TCF20: variants seen among roughly 807,000 people sequenced by gnomAD.
TCF20 encodes the protein SPRE-binding protein.
Under a neutral mutation model 148.6 loss-of-function variants are expected in TCF20, and 3 were observed. That is an observed-to-expected ratio of 0.02 (90% CI 0.01 to 0.05). The LOEUF is 0.05. Among genes scored for constraint, TCF20 ranks in the 10% least tolerant of loss-of-function variants. TCF20 has a pLI of 1.00. For missense variants in TCF20, 2,350 were observed against 2,429.3 expected, an observed-to-expected ratio of 0.97 and a Z score of 0.69; for synonymous variants, 1,049 against 909.5, an observed-to-expected ratio of 1.15 and a Z score of -2.76.
intron 1 of TCF20, among the ~76,000 whole-genome samples, chr22:42,307,961 A>T (rs1927464969): frequency 6.6e-6 from 1 of 152,232 alleles, no homozygotes; most frequent in Non-Finnish European, 1.5e-5. Context: ...ATGTTATTAT[A>T]ATGGCCTTGG....
Position 42,214,913 on chromosome 22 carries a change from C to G in TCF20, c.393G>C (p.Gly131=), listed in dbSNP as rs1341348850. ...PQGSSFGNQY[G]SEGHVGQFQA... ...GAAACTGGCCCACATGACCCTCACT[C>G]CCATACTGATTGCCAAAGCTGCTCC... Residue 131 remains glycine (G), a synonymous_variant, in exon 2 of 6, where the codon GGG becomes GGC. Coordinates refer to ENST00000677622, the MANE Select transcript of TCF20 (RefSeq NM_001378418.1). 2 of 1,614,114 alleles carry G rather than the reference C, an allele frequency of 1.2e-6. No individual in the cohort carries two copies. The highest frequency in any genetic ancestry group is 1.7e-5 in the Admixed American group (1 of 60,006).
intron 1 of TCF20, among the ~76,000 whole-genome samples, chr22:42,303,876 C>T (rs779249344): frequency 1.6e-5 from 2 of 121,650 alleles, no homozygotes; most frequent in Non-Finnish European, 3.4e-5. Context: ...AGGAGGGGAG[C>T]GGGGAAAGAA....
At chr22:42,169,630 G>T (rs1050812031) in intron 4 of TCF20, among the ~76,000 whole-genome samples, 3 of 152,070 alleles carry the variant, frequency 2.0e-5, no homozygotes, top group Non-Finnish European at 4.4e-5. Flanking sequence ...ATTTCTCCTG[G>T]GATCCTCATA....
chr22:42,290,499 C>T lies in TCF20; in HGVS notation c.-37+52980G>A, dbSNP rs755526590. Among the ~76,000 whole-genome samples, 3 of 152,090 alleles carry T rather than the reference C, an allele frequency of 2.0e-5. No homozygotes were observed. Among genetic ancestry groups the T allele is most frequent in the Admixed American group, 1.3e-4 (2 of 15,272 alleles). On this transcript the variant is annotated intron_variant, in intron 1 of 1. Transcript: ENST00000515426. The surrounding 1 kb of genome is among the most constrained non-coding windows in gnomAD (Gnocchi z 4.2). ...CCATGGAGCGGGCAGGCTGGGGGCA[C>T]GTGGGAGGCCTCTGCTCCTGACCTT...
chr22:42,171,238 G>A (rs1021778013), intron 3 of TCF20, among the ~76,000 whole-genome samples: 7 of 152,140 alleles, frequency 4.6e-5, no homozygotes, highest in Admixed American at 4.6e-4. Flanking sequence ...AAAACGCGGT[G>A]GCAGAATGTT....
At chr22:42,247,934 G>A (rs2147336930) in intron 1 of TCF20, among the ~76,000 whole-genome samples, 1 of 152,286 alleles carries the variant, frequency 6.6e-6, no homozygotes, top group African/African-American at 2.4e-5. Context: ...CTACAGAAGT[G>A]ACTTAAAAAG....
intron 1 of TCF20, among the ~76,000 whole-genome samples, chr22:42,293,608 G>A (rs1927172417): frequency 6.6e-6 from 1 of 152,236 alleles, no homozygotes; most frequent in African/African-American, 2.4e-5. Context: ...GGGAGGGTAG[G>A]GAGGAGGCCT....
Position 42,210,385 on chromosome 22 carries a change from A to C in TCF20, c.4921T>G (p.Cys1641Gly). The C allele has an allele frequency of 6.2e-7, 1 of 1,614,184 alleles. No homozygotes were observed. Among genetic ancestry groups the C allele is most frequent in the Non-Finnish European group, 8.5e-7 (1 of 1,180,032 alleles). ...ATTGTACAAACGGCTCCAAGTTCAC[A>C]CTTATTTACTACATGGATGTAAGGG... ...FYPYIHVVNK[C>G]ELGAVCTIIN... Residue 1641 changes from cysteine (C) to glycine (G), a missense_variant, in exon 2 of 6, where the codon TGT (cysteine) becomes GGT (glycine). Physicochemically the swap from Cys to Gly is radical, Grantham distance 159 (BLOSUM62 -3). This residue lies in a region of TCF20 where 374 missense variants were observed against 398.3 expected (regional missense o/e 0.94). Coordinates refer to ENST00000677622, the MANE Select transcript of TCF20 (RefSeq NM_001378418.1). This position sits in a 1 kb window ranked among gnomAD's most constrained non-coding sequence, Gnocchi z 4.7.
At chr22:42,163,152 C>T (rs1023654182) in intron 5 of TCF20, among the ~76,000 whole-genome samples, 5 of 152,220 alleles carry the variant, frequency 3.3e-5, no homozygotes, top group African/African-American at 1.2e-4. Context: ...TGGGCCTGCA[C>T]CCCAATCTTG....
chr22:42,168,614 C>T lies in TCF20; in HGVS notation c.*39G>A. 6.4e-7 allele frequency: 1 copy of T among 1,571,982 alleles called. No homozygotes were observed. The highest frequency in any genetic ancestry group is 8.6e-7 in the Non-Finnish European group (1 of 1,159,618). ...GCCCGGTGGCCCCGACTCACCTGTGCTTGCTGTCCTTTCCATTCCCACGAG... is the reference window on the plus strand; with the variant it reads ...GCCCGGTGGCCCCGACTCACCTGTGTTTGCTGTCCTTTCCATTCCCACGAG... On this transcript the variant is annotated 3_prime_UTR_variant, in exon 5 of 6. Coordinates refer to ENST00000677622, the MANE Select transcript of TCF20 (RefSeq NM_001378418.1).
rs574807012 is a variant in TCF20 at position 42,192,305 on chromosome 22, C to T, written c.5656-12603G>A. Among the ~76,000 whole-genome samples the T allele has an allele frequency of 1.1e-4, 17 of 152,336 alleles. No homozygotes were observed. The South Asian group carries it at 2.5e-3, about 22-fold the overall frequency. On this transcript the variant is annotated intron_variant, in intron 2 of 5. Transcript: ENST00000677622. ...AGATTTCAAATCTGTGAAGATCATA[C>T]TGAAGCGGAAATCTCCAAAGCTGTT...
At position 42,333,685 on chromosome 22, in the gene TCF20, A is replaced by G. The variant is rs117445228; in HGVS notation, c.-37+9794T>C. On this transcript the variant is annotated intron_variant, in intron 1 of 1. Transcript: ENST00000515426. ...GAGCAATTCAGAGACCAGAACACAC[A>G]GTATGCCTACTGCTCCACGCAGTAG... Among the ~76,000 whole-genome samples the G allele has an allele frequency of 4.6e-5, 7 of 152,322 alleles. No individual in the cohort carries two copies. The East Asian group carries it at 1.2e-3, about 25-fold the overall frequency.
rs778738732 is a variant in TCF20, at chr22:42,161,325, A to T, written c.*78T>A. On this transcript the variant is annotated 3_prime_UTR_variant, in exon 6 of 6. Transcript: ENST00000677622. ...GTAGGACGATTTCCATTCCATCACG[A>T]GTGTCCACCACCTTCTCATCTCCAC... 3 of 1,613,938 alleles carry T rather than the reference A, an allele frequency of 1.9e-6. No homozygotes were observed. The South Asian group carries it at 3.3e-5, about 18-fold the overall frequency.
chr22:42,267,160 G>A (rs1218457373), intron 1 of TCF20, among the ~76,000 whole-genome samples: 1 of 152,068 alleles, frequency 6.6e-6, no homozygotes, highest in African/African-American at 2.4e-5. Flanking sequence ...CTAGCTACTC[G>A]GGAGGCTGAG....
intron 1 of TCF20, among the ~76,000 whole-genome samples, chr22:42,263,974 G>A (rs1238243917): frequency 1.3e-5 from 2 of 152,080 alleles, no homozygotes; most frequent in African/African-American, 2.4e-5. Flanking sequence ...AAGCCAAAGG[G>A]TTAGACTAGA....
At chr22:42,169,952 G>A (rs1936021693) in intron 3 of TCF20, 56 bp from the exon 4 acceptor site, 6 of 1,575,092 alleles carry the variant, frequency 3.8e-6, no homozygotes, top group Admixed American at 1.7e-5. Context: ...CATAGGTGTG[G>A]TCATGCTGGC....
intron 2 of TCF20, among the ~76,000 whole-genome samples, chr22:42,184,478 T>C (rs138001685): frequency 6.6e-6 from 1 of 152,334 alleles, no homozygotes; most frequent in African/African-American, 2.4e-5. Flanking sequence ...CCCAGGCCAG[T>C]ACAATTTCTA....
intron 1 of TCF20, among the ~76,000 whole-genome samples, chr22:42,238,162 A>G (rs1229814216): frequency 6.6e-6 from 1 of 152,234 alleles, no homozygotes; most frequent in Non-Finnish European, 1.5e-5. Context: ...TCTTCTAGAT[A>G]ACTTGCTGCA....
At chr22:42,285,786 A>G (rs1298335392), upstream of TCF20, among the ~76,000 whole-genome samples, 1 of 151,810 alleles carries the variant, frequency 6.6e-6, no homozygotes, top group African/African-American at 2.4e-5. This position sits in a 1 kb window ranked among gnomAD's most constrained non-coding sequence, Gnocchi z 4.2. Flanking sequence ...TAAACAAACC[A>G]TGCTCTCTCT....
Sources: allele counts gnomAD v4.1 joint callset (sites outside exome capture counted in the v4.1 genomes callset), GRCh38; gene constraint gnomAD v4.1.1; regional missense constraint gnomAD v4.1.1; non-coding constraint Gnocchi (gnomAD v3.1); transcripts MANE v1.5; gene names NCBI Gene and HGNC (gene_info 2026-07-23, HGNC 2026-07-21).